Variants in KCNN2 observed in about 807,000 individuals in gnomAD.
KCNN2 encodes the protein small conductance calcium-activated potassium channel protein 2.
In KCNN2, 24 loss-of-function variants were observed where a neutral mutation model predicts 55.5. That is an observed-to-expected ratio of 0.43 (90% CI 0.31 to 0.61). The LOEUF is 0.61. KCNN2 is among the 20% of genes least tolerant of loss of function. The pLI, the probability that KCNN2 is intolerant of heterozygous loss-of-function variation, is 0.08. For missense variants in KCNN2, 754 were observed against 853.6 expected, an observed-to-expected ratio of 0.88 and a Z score of 1.45; for synonymous variants, 431 against 336.1, an observed-to-expected ratio of 1.28 and a Z score of -3.09.
At chr5:114,111,904 G>C (rs1340133163) in intron 1 of KCNN2, among the ~76,000 whole-genome samples, 2 of 152,178 alleles carry the variant, frequency 1.3e-5, no homozygotes, top group Non-Finnish European at 2.9e-5. Flanking sequence ...TTCAACCATT[G>C]TGGAAGACAG....
In KCNN2 at chr5:114,409,178, C is replaced by G. The variant is rs74772722; in HGVS notation, c.1637+4322C>G. 7.9e-3 allele frequency among the ~76,000 whole-genome samples: 1,206 copies of G among 152,122 alleles called. 15 individuals are homozygous for G. The highest frequency in any genetic ancestry group is 0.027 in the African/African-American group (1,136 of 41,520). On this transcript the variant is annotated intron_variant, in intron 3 of 7. Coordinates refer to ENST00000673685, the MANE Select transcript of KCNN2 (RefSeq NM_021614.4). ...CTAAATGGCTTGTTAAGACTTCTTCCCAACGTAACGTTTTATCATTACACA... is the reference window on the plus strand; with the variant it reads ...CTAAATGGCTTGTTAAGACTTCTTCGCAACGTAACGTTTTATCATTACACA...
chr5:114,366,361 C>G (rs36947), intron 2 of KCNN2, among the ~76,000 whole-genome samples: 3 of 151,930 alleles, frequency 2.0e-5, no homozygotes, highest in Non-Finnish European at 2.9e-5. Flanking sequence ...GTTAAACCCA[C>G]TATACTTAAG....
At chr5:114,284,811 C>A (rs1474242385) in intron 2 of KCNN2, among the ~76,000 whole-genome samples, 1 of 151,966 alleles carries the variant, frequency 6.6e-6, no homozygotes, top group Non-Finnish European at 1.5e-5. Flanking sequence ...AGCCACCGCG[C>A]CTAGCCGATC....
In KCNN2 at chr5:114,158,104, C is replaced by G. The variant is rs1752680449; in HGVS notation, c.-270-63376C>G. On this transcript the variant is annotated intron_variant, in intron 1 of 10. Coordinates refer to the KCNN2 transcript ENST00000512097. The stretch of plus-strand genomic sequence containing the variant: ...ATGCCTATGGCCTGAATGGTATTGC[C>G]TAGGTTTTCTTCTAGGGTTTTTATG... Among the ~76,000 whole-genome samples, 5 of 152,166 alleles carry G rather than the reference C, an allele frequency of 3.3e-5. No homozygotes were observed. In the South Asian group the frequency reaches 1.0e-3, roughly 32 times the overall value.
intron 2 of KCNN2, among the ~76,000 whole-genome samples, chr5:114,281,745 C>G (rs1453133765): frequency 8.0e-6 from 1 of 125,076 alleles, no homozygotes; most frequent in Admixed American, 8.0e-5. Flanking sequence ...TATACTATGA[C>G]CTGAAGCAGG....
intron 2 of KCNN2, among the ~76,000 whole-genome samples, chr5:114,302,677 A>C (rs1381515358): frequency 1.3e-5 from 2 of 152,210 alleles, no homozygotes; most frequent in African/African-American, 4.8e-5. Context: ...CTTGAATTTG[A>C]GAGTTCTGAG....
At chr5:114,130,139 T>C (rs1752042230) in intron 1 of KCNN2, among the ~76,000 whole-genome samples, 1 of 152,254 alleles carries the variant, frequency 6.6e-6, no homozygotes, top group Non-Finnish European at 1.5e-5. Flanking sequence ...TATCATTTTC[T>C]GGTTTTCTGG....
chr5:114,261,629 AT>A, intron 2 of KCNN2, among the ~76,000 whole-genome samples: 1 of 152,130 alleles, frequency 6.6e-6, no homozygotes, highest in Admixed American at 6.5e-5. Context: ...TCTGAGAATT[AT>A]TTTCCCTACA....
intron 2 of KCNN2, among the ~76,000 whole-genome samples, chr5:114,387,150 GT>G (rs1758313428): frequency 6.6e-6 from 1 of 152,200 alleles, no homozygotes; most frequent in Non-Finnish European, 1.5e-5. Context: ...CTGAATCCAA[GT>G]AATACAAATG....
intron 1 of KCNN2, among the ~76,000 whole-genome samples, chr5:114,089,427 G>GT (rs1751089659): frequency 6.6e-6 from 1 of 152,184 alleles, no homozygotes; most frequent in Non-Finnish European, 1.5e-5. Flanking sequence ...TCCCAACGCA[G>GT]TGGGAGCGCC....
At chr5:114,380,507 C>T (rs1758086279) in intron 2 of KCNN2, among the ~76,000 whole-genome samples, 1 of 152,166 alleles carries the variant, frequency 6.6e-6, no homozygotes, top group African/African-American at 2.4e-5. Context: ...TGATTTCCCA[C>T]AACCTTTTAA....
chr5:114,494,328 G>C (rs1373936976), intron 7 of KCNN2, among the ~76,000 whole-genome samples: 1 of 150,334 alleles, frequency 6.7e-6, no homozygotes, highest in Admixed American at 6.7e-5. Flanking sequence ...AAAATTACAA[G>C]TATTTGTCCT....
intron 1 of KCNN2, among the ~76,000 whole-genome samples, chr5:114,177,267 A>G (rs1055176911): frequency 6.6e-6 from 1 of 151,618 alleles, no homozygotes; most frequent in Non-Finnish European, 1.5e-5. Context: ...CCTCCTGAGT[A>G]GCTGGGACTA....
intron 5 of KCNN2, chr5:114,486,626 A>G (rs1747553644): frequency 1.5e-6 from 1 of 674,120 alleles, no homozygotes; most frequent in Non-Finnish European, 2.2e-6. Context: ...AGTAGTGCAC[A>G]GCCAGAAATA....
chr5:114,406,281 A>G (rs1322117789), intron 3 of KCNN2, among the ~76,000 whole-genome samples: 1 of 149,170 alleles, frequency 6.7e-6, no homozygotes, highest in African/African-American at 2.5e-5. Context: ...CTGCATCTAG[A>G]TTTTTTGTTG....
At chr5:114,241,899 A>ACAT (rs1754651541) in intron 2 of KCNN2, among the ~76,000 whole-genome samples, 1 of 146,084 alleles carries the variant, frequency 6.8e-6, no homozygotes. Context: ...TTAAAGATAT[A>ACAT]CATATTGGAC....
chr5:114,076,072 G>A (rs978136314), intron 1 of KCNN2, among the ~76,000 whole-genome samples: 2 of 152,346 alleles, frequency 1.3e-5, no homozygotes, highest in African/African-American at 4.8e-5. Context: ...TAACTAATAT[G>A]CCCTGATACT....
intron 1 of KCNN2, among the ~76,000 whole-genome samples, chr5:114,082,010 T>C (rs1053875077): frequency 3.3e-5 from 5 of 152,004 alleles, no homozygotes; most frequent in South Asian, 4.1e-4. Flanking sequence ...AAAGAAGATA[T>C]AAAAATGTCC....
chr5:114,438,727 C>T (rs1468528635), intron 3 of KCNN2, among the ~76,000 whole-genome samples: 3 of 152,138 alleles, frequency 2.0e-5, no homozygotes, highest in Admixed American at 1.3e-4. Flanking sequence ...GCCATCTTAC[C>T]TTAGCACTTG....
Sources: allele counts gnomAD v4.1 joint callset (sites outside exome capture counted in the v4.1 genomes callset), GRCh38; gene constraint gnomAD v4.1.1; transcripts MANE v1.5; gene names NCBI Gene and HGNC (gene_info 2026-07-23, HGNC 2026-07-21).